The following GLB1 variants were observed in gnomAD, a reference collection of about 807,000 sequenced individuals.
GLB1 encodes galactosidase beta 1.
A neutral mutation model predicts 74.0 loss-of-function variants in GLB1; 56 were observed. The ratio of observed to expected loss-of-function variants is 0.76; its 90% confidence interval spans 0.61 to 0.94. The LOEUF is 0.94. GLB1 is among the 40% of genes least tolerant of loss of function. The pLI, the probability that GLB1 is intolerant of heterozygous loss-of-function variation, is 0.00. For missense variants in GLB1, 787 were observed against 845.5 expected (o/e 0.93, Z 0.86); for synonymous variants, 323 against 323.6 (o/e 1.00, Z 0.02).
At chr3:32,985,717 A>T in the GLB1 span, among the ~76,000 whole-genome samples, 1 of 151,906 alleles carries the variant, frequency 6.6e-6, no homozygotes, top group African/African-American at 2.4e-5. Context: ...GTCTATATAT[A>T]TTTTTTGAGA....
chr3:33,042,183 G>A (rs934080002), intron 10 of GLB1, among the ~76,000 whole-genome samples: 23 of 151,996 alleles, frequency 1.5e-4, no homozygotes, highest in Non-Finnish European at 2.9e-4. Context: ...TACCCTTGCC[G>A]CACCTCCCAG....
chr3:33,061,718 T>A (rs1345615823), intron 5 of GLB1: 3 of 152,208 alleles, frequency 2.0e-5, no homozygotes, highest in Non-Finnish European at 4.4e-5. Flanking sequence ...GAATGCCCTG[T>A]TAATTGGATG....
chr3:33,083,782 T>C (rs933109456), intron 1 of GLB1, among the ~76,000 whole-genome samples: 13 of 141,686 alleles, frequency 9.2e-5, no homozygotes, highest in Non-Finnish European at 1.6e-4. Context: ...CTGGCCAATG[T>C]AATTTTTTAA....
At chr3:32,962,184 A>C in the GLB1 span, among the ~76,000 whole-genome samples, 13 of 68,042 alleles carry the variant, frequency 1.9e-4, no homozygotes, top group Admixed American at 2.0e-3. Flanking sequence ...ACAGAGTGAG[A>C]CTACATATTA....
the GLB1 span, among the ~76,000 whole-genome samples, chr3:32,978,969 T>C: frequency 1.3e-5 from 2 of 149,400 alleles, no homozygotes; most frequent in African/African-American, 4.9e-5. Flanking sequence ...CAATATTTCT[T>C]TCTTTCTTTC....
chr3:33,056,872 T>G (rs1159655871), intron 6 of GLB1, among the ~76,000 whole-genome samples: 1 of 152,224 alleles, frequency 6.6e-6, no homozygotes, highest in Non-Finnish European at 1.5e-5. Context: ...TACAGTACTC[T>G]TATCTAATCT....
In GLB1 at chr3:33,065,495, AGAG is replaced by A. The variant is rs764192020; in HGVS notation, c.517_519del (p.Leu173del). 1 of 1,586,726 alleles carries A rather than the reference AGAG, an allele frequency of 6.3e-7. No individual in the cohort carries two copies. Among genetic ancestry groups the A allele is most frequent in the South Asian group, 1.1e-5 (1 of 87,702 alleles). Reference sequence around the variant, plus strand: ...GTTATAACTGGCCCTCCATTCTGATAGAGGAGAGGCTTCATCTTGGGCAGAAGG... The same window carrying A: ...GTTATAACTGGCCCTCCATTCTGATAGAGAGGCTTCATCTTGGGCAGAAGG... On this transcript the variant is annotated inframe_deletion, in exon 5 of 16. Transcript: ENST00000307363.
rs776617871 is a variant in GLB1 at position 33,093,487 on chromosome 3, C to T, written c.75+3524G>A. The T allele has an allele frequency of 1.5e-5, 25 of 1,614,192 alleles. No individual in the cohort carries two copies. The highest frequency in any genetic ancestry group is 2.0e-5 in the Non-Finnish European group (24 of 1,180,044). ...CCCACAATCACCGTGATGTCTGGTT[C>T]CAGCACATTCACCATCCTCACAAAC... is the stretch of plus-strand genomic sequence containing the variant. On this transcript the variant is annotated intron_variant, in intron 1 of 15. Transcript: ENST00000307363. The surrounding 1 kb of genome is among the most constrained non-coding windows in gnomAD (Gnocchi z 6.0).
At chr3:33,016,664 T>C (rs765454500) in intron 14 of GLB1, 45 bp downstream of exon 14, 13 of 1,610,708 alleles carry the variant, frequency 8.1e-6, no homozygotes, top group Admixed American at 6.7e-5. Flanking sequence ...AACTTCTAAG[T>C]TGTCACCCCT....
intron 15 of GLB1, among the ~76,000 whole-genome samples, chr3:33,012,935 C>T (rs970176271): frequency 2.6e-5 from 4 of 152,224 alleles, no homozygotes; most frequent in African/African-American, 4.8e-5. Context: ...ATGGTTTCCT[C>T]GAATCCATAA....
the GLB1 span, among the ~76,000 whole-genome samples, chr3:32,980,614 C>G: frequency 6.6e-6 from 1 of 152,066 alleles, no homozygotes; most frequent in Non-Finnish European, 1.5e-5. Context: ...ACCCCTGTCT[C>G]TACTAAAAAT....
At chr3:32,993,919 T>C (rs1332536278), downstream of GLB1, among the ~76,000 whole-genome samples, 2 of 152,104 alleles carry the variant, frequency 1.3e-5, no homozygotes, top group Admixed American at 1.3e-4. Flanking sequence ...TCCACCCACC[T>C]CGGCCTCCCA....
intron 1 of GLB1, chr3:33,096,754 A>G (rs1306436821): frequency 7.6e-7 from 1 of 1,314,042 alleles, no homozygotes. Flanking sequence ...GGGGAAGTGG[A>G]TCCAAGCGCA....
At chr3:33,079,245 C>A (rs1014196883) in intron 1 of GLB1, among the ~76,000 whole-genome samples, 3 of 152,036 alleles carry the variant, frequency 2.0e-5, no homozygotes, top group Admixed American at 6.6e-5. Context: ...AATTAATATT[C>A]CATAGCTAGA....
chr3:33,093,598 G>C lies in GLB1; in HGVS notation c.75+3413C>G. ...TTGAGGTTGTTCATTGAGGCAGGCAGCTGATGGATGGGCACCTCCACAGTT... is the reference window on the plus strand; with the variant it reads ...TTGAGGTTGTTCATTGAGGCAGGCACCTGATGGATGGGCACCTCCACAGTT... On this transcript the variant is annotated intron_variant, in intron 1 of 15. Coordinates refer to ENST00000307363, the MANE Select transcript of GLB1 (RefSeq NM_000404.4). This position sits in a 1 kb window ranked among gnomAD's most constrained non-coding sequence, Gnocchi z 6.0. 6.2e-7 allele frequency: 1 copy of C among 1,614,188 alleles called. No individual in the cohort carries two copies. The highest frequency in any genetic ancestry group is 8.5e-7 in the Non-Finnish European group (1 of 1,180,028).
intron 10 of GLB1, among the ~76,000 whole-genome samples, chr3:33,026,025 G>A (rs2125482190): frequency 6.6e-6 from 1 of 152,302 alleles, no homozygotes; most frequent in Admixed American, 6.5e-5. Context: ...GCGTGGTTGG[G>A]CACGGAGGGG....
At chr3:33,055,823 C>T (rs1699191646) in intron 6 of GLB1, among the ~76,000 whole-genome samples, 1 of 151,826 alleles carries the variant, frequency 6.6e-6, no homozygotes, top group African/African-American at 2.4e-5. Flanking sequence ...ACCTAACCAA[C>T]CTAACGGATG....
At chr3:33,017,637 A>G (rs1391278444) in intron 13 of GLB1, among the ~76,000 whole-genome samples, 1 of 152,198 alleles carries the variant, frequency 6.6e-6, no homozygotes, top group Non-Finnish European at 1.5e-5. Context: ...CCTGAAATGC[A>G]TCTGCTTTTG....
At chr3:33,053,146 A>G (rs999476679) in intron 7 of GLB1, among the ~76,000 whole-genome samples, 16 of 152,190 alleles carry the variant, frequency 1.1e-4, no homozygotes, top group African/African-American at 3.4e-4. Context: ...GACCCTGGCA[A>G]GTGACATAGG....
Sources: gnomAD v4.1 joint callset for allele counts (sites outside exome capture counted in the v4.1 genomes callset) on GRCh38, gnomAD v4.1.1 for gene constraint, Gnocchi (gnomAD v3.1) non-coding constraint, MANE v1.5 for transcripts, NCBI Gene and HGNC (gene_info 2026-07-23, HGNC 2026-07-21) for gene names.